Variants in DNM2 observed in about 807,000 individuals in gnomAD.
The protein encoded by DNM2 is dynamin 2.
Under a neutral mutation model 99.0 loss-of-function variants are expected in DNM2, and 15 were observed. The observed-to-expected ratio is 0.15, with a 90% CI of 0.10 to 0.23. The LOEUF is 0.23. Among genes scored for constraint, DNM2 ranks in the 10% least tolerant of loss-of-function variants. The probability of loss-of-function intolerance (pLI) is 1.00; values close to 1 mark genes in which losing one functional copy is unlikely to be tolerated. For synonymous variants in DNM2, 525 were observed against 481.2 expected (o/e 1.09, Z -1.19); for missense variants, 742 against 1,189.4 (o/e 0.62, Z 5.53).
In DNM2 at chr19:10,795,586, T is replaced by G; in HGVS notation, c.1196+147T>G. 1.1e-6 allele frequency: 1 copy of G among 872,822 alleles called. No homozygotes were observed. Among genetic ancestry groups the G allele is most frequent in the Non-Finnish European group, 1.9e-6 (1 of 538,600 alleles). 54.1% of individuals were successfully genotyped at this position (872,822 alleles called of 1,614,324 possible). A position where few individuals can be genotyped will look rare whatever the true frequency, so the allele number is the denominator to read the frequency against. ...TTTTCTGTAGCTGCGAGCCCCTCCCTGAGGGTCTCCAAGGGCACATGAGGG... is the reference window on the plus strand; with the variant it reads ...TTTTCTGTAGCTGCGAGCCCCTCCCGGAGGGTCTCCAAGGGCACATGAGGG... On this transcript the variant is annotated intron_variant, in intron 9 of 20. Coordinates refer to ENST00000389253, the MANE Select transcript of DNM2 (RefSeq NM_001005361.3). This position sits in a 1 kb window ranked among gnomAD's most constrained non-coding sequence, Gnocchi z 4.2.
chr19:10,770,207 T>C (rs1448531387), intron 2 of DNM2, among the ~76,000 whole-genome samples: 2 of 152,224 alleles, frequency 1.3e-5, no homozygotes, highest in African/African-American at 2.4e-5. Context: ...CCTGGCTGGG[T>C]GTTCATCTCC....
rs554963593 is a variant in DNM2 at position 10,817,473 on chromosome 19, A to T, written c.1672-2507A>T. The T allele has an allele frequency of 3.9e-5, 19 of 489,316 alleles. No homozygotes were observed. The highest frequency in any genetic ancestry group is 3.1e-4 in the Admixed American group (14 of 45,804). The allele number at this position is 489,316 out of a possible 1,614,324, so 30.3% of individuals were successfully genotyped here. On this transcript the variant is annotated intron_variant, in intron 15 of 20. Transcript: ENST00000389253. The surrounding 1 kb of genome is among the most constrained non-coding windows in gnomAD (Gnocchi z 4.6). Reference sequence around the variant, plus strand: ...TGTACACATTGAGAGCCTCCTGAACAGGTAGTCTGAACACTGGGTTGGCGG... The same window carrying T: ...TGTACACATTGAGAGCCTCCTGAACTGGTAGTCTGAACACTGGGTTGGCGG...
rs182178037 is a variant in DNM2, at chr19:10,750,847, G to A, written c.162-8891G>A. ...ACTTGGGGGGCTGAGGCAGGAGTAA[G>A]CTGAGATTGCGCCACTACACTCCAG... On this transcript the variant is annotated intron_variant, in intron 1 of 20. Transcript: ENST00000389253. 3.4e-4 allele frequency among the ~76,000 whole-genome samples: 52 copies of A among 151,916 alleles called. No individual in the cohort carries two copies. The East Asian group carries it at 6.8e-3, about 20-fold the overall frequency.
At chr19:10,805,166 A>C (rs1344207697) in intron 12 of DNM2, among the ~76,000 whole-genome samples, 1 of 152,204 alleles carries the variant, frequency 6.6e-6, no homozygotes, top group African/African-American at 2.4e-5. Context: ...ATGAATAAGG[A>C]ACCTTATAGA....
chr19:10,743,591 A>C (rs2069839993), intron 1 of DNM2, among the ~76,000 whole-genome samples: 1 of 151,800 alleles, frequency 6.6e-6, no homozygotes, highest in African/African-American at 2.4e-5. Flanking sequence ...CAGGTGGATC[A>C]CAAGGTCAGG....
At chr19:10,758,191 G>A (rs2070465931) in intron 1 of DNM2, among the ~76,000 whole-genome samples, 1 of 151,966 alleles carries the variant, frequency 6.6e-6, no homozygotes, top group African/African-American at 2.4e-5. Flanking sequence ...TCTATCTTCT[G>A]GGGTGGTTGT....
intron 1 of DNM2, among the ~76,000 whole-genome samples, chr19:10,752,039 G>A (rs1028841130): frequency 6.6e-6 from 1 of 152,156 alleles, no homozygotes; most frequent in Non-Finnish European, 1.5e-5. Context: ...ATTTTGGTTG[G>A]CTAAACATTT....
chr19:10,798,806 C>G (rs1037133841), intron 11 of DNM2, among the ~76,000 whole-genome samples: 5 of 151,366 alleles, frequency 3.3e-5, no homozygotes, highest in African/African-American at 1.2e-4. Context: ...CTCCTAAAAC[C>G]CCTGTCCCTA....
chr19:10,768,892 A>T (rs1253277142), intron 2 of DNM2: 1 of 151,762 alleles, frequency 6.6e-6, no homozygotes, highest in African/African-American at 2.4e-5. Flanking sequence ...ATTTCTTCTC[A>T]CCCTTTGTCA....
chr19:10,733,733 A>G (rs928316535), intron 1 of DNM2, among the ~76,000 whole-genome samples: 1 of 151,822 alleles, frequency 6.6e-6, no homozygotes, highest in Non-Finnish European at 1.5e-5. Flanking sequence ...GAGGCCGGAC[A>G]TGGTGGCTCA....
At position 10,772,376 on chromosome 19, in the gene DNM2, G is replaced by A; in HGVS notation, c.236-103G>A. ...TTACAGGCGTGAGCTACTGTGCCCA[G>A]CCTGGGTCATTACTTTCATTCAACA... On this transcript the variant is annotated intron_variant, in intron 2 of 20. Transcript: ENST00000389253. The surrounding 1 kb of genome is among the most constrained non-coding windows in gnomAD (Gnocchi z 4.9). 6.6e-7 allele frequency: 1 copy of A among 1,521,720 alleles called. No homozygotes were observed. The highest frequency in any genetic ancestry group is 1.1e-5 in the South Asian group (1 of 88,704). 94.3% of individuals were successfully genotyped at this position (1,521,720 alleles called of 1,614,324 possible). A position where few individuals can be genotyped will look rare whatever the true frequency, so the allele number is the denominator to read the frequency against.
rs533592270 is a variant in DNM2, at chr19:10,743,473, G to A, written c.162-16265G>A. 4.6e-5 allele frequency among the ~76,000 whole-genome samples: 7 copies of A among 151,608 alleles called. No individual in the cohort carries two copies. In the East Asian group the frequency reaches 1.4e-3, roughly 30 times the overall value. The stretch of plus-strand genomic sequence containing the variant: ...GCGGATCATCTGAGGTCATGAGTTC[G>A]AGACCAGCCTTGCAAAACCCCGTCT... On this transcript the variant is annotated intron_variant, in intron 1 of 20. Transcript: ENST00000389253.
In DNM2 at chr19:10,823,783, C is replaced by T. The variant is rs200103145; in HGVS notation, c.1782-5C>T. 2.1e-4 allele frequency: 345 copies of T among 1,613,654 alleles called. No individual in the cohort carries two copies. In the African/African-American group the frequency reaches 3.1e-3, roughly 15 times the overall value. On this transcript the variant is annotated splice_polypyrimidine_tract_variant and splice_region_variant and intron_variant, in intron 16 of 20. Coordinates refer to ENST00000389253, the MANE Select transcript of DNM2 (RefSeq NM_001005361.3). ...TTGTGCCCCTCCTTCCCCACCCCCC[C>T]GCAGAAACGTCTACAAGGACCTGCG...
rs758333074 is a variant in DNM2, at chr19:10,808,732, G to A, written c.1557+152G>A. The stretch of plus-strand genomic sequence containing the variant: ...CTGGAAACCCCATGCCGCAGCCGGC[G>A]CTGGACTGCACGTTGCCCTGGGTAT... On this transcript the variant is annotated intron_variant, in intron 14 of 20. Coordinates refer to ENST00000389253, the MANE Select transcript of DNM2 (RefSeq NM_001005361.3). 162 of 925,156 alleles carry A rather than the reference G, an allele frequency of 1.8e-4. 2 individuals carry two copies. Among genetic ancestry groups the A allele is most frequent in the Non-Finnish European group, 2.2e-4 (137 of 610,440 alleles). 57.3% of individuals were successfully genotyped at this position (925,156 alleles called of 1,614,324 possible). A position where few individuals can be genotyped will look rare whatever the true frequency, so the allele number is the denominator to read the frequency against.
chr19:10,747,539 G>T (rs1568276794), intron 1 of DNM2, among the ~76,000 whole-genome samples: 1 of 152,176 alleles, frequency 6.6e-6, no homozygotes. Context: ...GCTGGGCTGG[G>T]AATGTTGGGG....
chr19:10,749,912 G>A (rs917401021), intron 1 of DNM2, among the ~76,000 whole-genome samples: 3 of 152,178 alleles, frequency 2.0e-5, no homozygotes, highest in Non-Finnish European at 4.4e-5. Flanking sequence ...GGGTTTCCTG[G>A]CAGAGGGAAC....
intron 18 of DNM2, among the ~76,000 whole-genome samples, chr19:10,828,150 G>T (rs1353283704): frequency 6.6e-6 from 1 of 152,092 alleles, no homozygotes; most frequent in Non-Finnish European, 1.5e-5. Flanking sequence ...TTAGCCGGGG[G>T]TTGGGGGGCA....
chr19:10,804,632 G>A (rs1306348081), intron 12 of DNM2, among the ~76,000 whole-genome samples: 6 of 152,136 alleles, frequency 3.9e-5, no homozygotes, highest in Admixed American at 1.3e-4. Context: ...AGGCTGTGCT[G>A]AGCCATGATC....
chr19:10,814,571 T>C (rs1251080272), intron 15 of DNM2, among the ~76,000 whole-genome samples: 2 of 152,204 alleles, frequency 1.3e-5, no homozygotes, highest in Admixed American at 6.5e-5. Flanking sequence ...TAACTGTATG[T>C]TTGTACCCAT....
Sources: gnomAD v4.1 joint callset for allele counts (sites outside exome capture counted in the v4.1 genomes callset) on GRCh38, gnomAD v4.1.1 for gene constraint, Gnocchi (gnomAD v3.1) non-coding constraint, MANE v1.5 for transcripts, NCBI Gene and HGNC (gene_info 2026-07-23, HGNC 2026-07-21) for gene names.